CCBE1: variants seen among roughly 807,000 people sequenced by gnomAD.
CCBE1 encodes the protein collagen and calcium binding EGF domains 1.
Under a neutral mutation model 50.0 loss-of-function variants are expected in CCBE1, and 37 were observed. The ratio of observed to expected loss-of-function variants is 0.74; its 90% CI spans 0.57 to 0.97. The LOEUF (loss-of-function observed/expected upper bound fraction) is 0.97. Ranked by LOEUF, CCBE1 falls within the 50% of genes least tolerant of loss-of-function variation. The pLI is 0.00. For missense variants in CCBE1, 538 were observed against 523.8 expected, an observed-to-expected ratio of 1.03 and a Z score of -0.26; for synonymous variants, 234 against 203.7, an observed-to-expected ratio of 1.15 and a Z score of -1.27.
At position 59,466,762 on chromosome 18, in the gene CCBE1, C is replaced by T. The variant is rs1426513179; in HGVS notation, c.530G>A (p.Gly177Glu). 6.2e-7 allele frequency: 1 copy of T among 1,613,284 alleles called. No individual in the cohort carries two copies. Among genetic ancestry groups the T allele is most frequent in the Admixed American group, 1.7e-5 (1 of 59,994 alleles). The change falls in exon 5 of 11, where the codon GGA becomes GAA. Residue 177 changes from glycine to glutamate, a missense_variant. Gly to Glu is a moderately conservative substitution (Grantham distance 98). Coordinates refer to ENST00000439986, the MANE Select transcript of CCBE1 (RefSeq NM_133459.4). ...ACCAGTGTCATTGGGATATTTGTCT[C>T]CCCTGGTACATGTCTTCCCATCATC... is the stretch of plus-strand genomic sequence containing the variant. The part of the protein sequence containing the change: ...REDDGKTCTR[G>E]DKYPNDTGHE...
rs188853980 is a variant in CCBE1 at position 59,581,976 on chromosome 18, T to C, written c.213-101738A>G. On this transcript the variant is annotated intron_variant, in intron 2 of 10. Transcript: ENST00000439986. ...CAATCCTAACCCTCCTTAGGAATCA[T>C]GGGCTAAGTGTGAAGATTAAAGGGG... is the stretch of plus-strand genomic sequence containing the variant. 6.6e-5 allele frequency among the ~76,000 whole-genome samples: 10 copies of C among 152,258 alleles called. No individual in the cohort carries two copies. In the East Asian group the frequency reaches 1.7e-3, roughly 27 times the overall value.
intron 9 of CCBE1, among the ~76,000 whole-genome samples, chr18:59,439,195 G>T (rs1451727142): frequency 6.6e-6 from 1 of 152,232 alleles, no homozygotes; most frequent in Non-Finnish European, 1.5e-5. Context: ...GCTGAGGCAG[G>T]AGAATGGCGT....
At chr18:59,438,839 T>C (rs1024636225) in intron 9 of CCBE1, among the ~76,000 whole-genome samples, 1 of 152,166 alleles carries the variant, frequency 6.6e-6, no homozygotes, top group Admixed American at 6.5e-5. Context: ...TGGATGTCAG[T>C]GCAAGAGGTA....
chr18:59,646,441 G>A (rs1266296712), intron 2 of CCBE1, among the ~76,000 whole-genome samples: 6 of 152,168 alleles, frequency 3.9e-5, no homozygotes, highest in African/African-American at 9.7e-5. Flanking sequence ...AATCTACAAC[G>A]CCATCTAGAG....
At position 59,583,089 on chromosome 18, in the gene CCBE1, G is replaced by T. The variant is rs189384039; in HGVS notation, c.213-102851C>A. Among the ~76,000 whole-genome samples, 11 of 152,316 alleles carry T rather than the reference G, an allele frequency of 7.2e-5. No homozygotes were observed. In the East Asian group the frequency reaches 1.9e-3, roughly 27 times the overall value. ...TCACCTTGGCCTCCCAAAGTGCTGG[G>T]ATTATAGCCATGAGCTAATGTGCTT... On this transcript the variant is annotated intron_variant, in intron 2 of 10. Coordinates refer to ENST00000439986, the MANE Select transcript of CCBE1 (RefSeq NM_133459.4).
chr18:59,547,861 A>T (rs1323983336), intron 2 of CCBE1, among the ~76,000 whole-genome samples: 2 of 152,246 alleles, frequency 1.3e-5, no homozygotes, highest in Non-Finnish European at 2.9e-5. Flanking sequence ...CTGATTCAGC[A>T]GGAGAAAACC....
intron 2 of CCBE1, among the ~76,000 whole-genome samples, chr18:59,561,495 G>A (rs1428162192): frequency 6.6e-6 from 1 of 152,204 alleles, no homozygotes; most frequent in Non-Finnish European, 1.5e-5. Flanking sequence ...GTGCAGGCGT[G>A]TAACTCCACT....
intron 5 of CCBE1, among the ~76,000 whole-genome samples, chr18:59,457,244 G>T (rs1369391994): frequency 6.6e-6 from 1 of 152,186 alleles, no homozygotes; most frequent in Non-Finnish European, 1.5e-5. Context: ...GCACTGGAGG[G>T]ATGGTTTTGA....
At chr18:59,536,003 G>T (rs1915232950) in intron 2 of CCBE1, among the ~76,000 whole-genome samples, 2 of 152,206 alleles carry the variant, frequency 1.3e-5, no homozygotes, top group African/African-American at 4.8e-5. Flanking sequence ...GTAATTCTAT[G>T]AGGAGGAGAA....
intron 2 of CCBE1, among the ~76,000 whole-genome samples, chr18:59,611,664 T>G (rs2053570165): frequency 6.6e-6 from 1 of 152,134 alleles, no homozygotes; most frequent in Non-Finnish European, 1.5e-5. Flanking sequence ...CAGAATCACT[T>G]GAACCAGGGA....
At chr18:59,556,189 G>A (rs1276848914) in intron 2 of CCBE1, among the ~76,000 whole-genome samples, 4 of 152,146 alleles carry the variant, frequency 2.6e-5, no homozygotes, top group African/African-American at 7.2e-5. Flanking sequence ...GCATTGTCAT[G>A]GGCTGCTTTG....
chr18:59,548,240 T>C (rs1468029976), intron 2 of CCBE1, among the ~76,000 whole-genome samples: 1 of 152,212 alleles, frequency 6.6e-6, no homozygotes, highest in East Asian at 1.9e-4. Flanking sequence ...GGTCTTTCCT[T>C]TAAAAGAAAG....
At chr18:59,668,505 G>A (rs2054387036) in intron 2 of CCBE1, among the ~76,000 whole-genome samples, 1 of 151,922 alleles carries the variant, frequency 6.6e-6, no homozygotes, top group Non-Finnish European at 1.5e-5. Flanking sequence ...AATCTGCTTT[G>A]TTCACATAAT....
At chr18:59,563,475 A>G (rs1208812003) in intron 2 of CCBE1, among the ~76,000 whole-genome samples, 1 of 152,208 alleles carries the variant, frequency 6.6e-6, no homozygotes, top group Non-Finnish European at 1.5e-5. Context: ...TGAATCAGGA[A>G]GATAACATCA....
chr18:59,576,513 A>G (rs1035225988), intron 2 of CCBE1, among the ~76,000 whole-genome samples: 2 of 152,230 alleles, frequency 1.3e-5, no homozygotes, highest in Non-Finnish European at 1.5e-5. Context: ...TGAAAAACCT[A>G]GGTGTTTATG....
At chr18:59,555,576 G>A (rs2052643852) in intron 2 of CCBE1, among the ~76,000 whole-genome samples, 1 of 152,192 alleles carries the variant, frequency 6.6e-6, no homozygotes, top group South Asian at 2.1e-4. Context: ...ATTATACAGT[G>A]GAAGTCTTCA....
intron 2 of CCBE1, among the ~76,000 whole-genome samples, chr18:59,510,973 C>CA (rs1914107775): frequency 6.6e-6 from 1 of 152,064 alleles, no homozygotes; most frequent in Non-Finnish European, 1.5e-5. Context: ...TGAGAGCTAC[C>CA]AGTCATTAGT....
At position 59,432,210 on chromosome 18, in the gene CCBE1, C is replaced by T. The variant is rs944639126; in HGVS notation, c.*3698G>A. 7 of 152,196 alleles carry T rather than the reference C, an allele frequency of 4.6e-5. No individual in the cohort carries two copies. The highest frequency in any genetic ancestry group is 1.4e-4 in the African/African-American group (6 of 41,434). 9.4% of individuals were successfully genotyped at this position (152,196 alleles called of 1,614,324 possible). A position where few individuals can be genotyped will look rare whatever the true frequency, so the allele number is the denominator to read the frequency against. On this transcript the variant is annotated 3_prime_UTR_variant, in exon 11 of 11. Transcript: ENST00000439986. ...TCTCCTGACCTCATGATGCGCCCGC[C>T]TCAGCCTCCCAAAGTGTTGGGATTA... is the stretch of plus-strand genomic sequence containing the variant.
chr18:59,524,967 T>C (rs1166594538), intron 2 of CCBE1, among the ~76,000 whole-genome samples: 1 of 152,230 alleles, frequency 6.6e-6, no homozygotes, highest in Admixed American at 6.5e-5. Context: ...CAGTGGTATA[T>C]GTACCACATT....
Sources: gnomAD v4.1 joint callset for allele counts (sites outside exome capture counted in the v4.1 genomes callset) on GRCh38, gnomAD v4.1.1 for gene constraint, MANE v1.5 for transcripts, NCBI Gene and HGNC (gene_info 2026-07-23, HGNC 2026-07-21) for gene names.